Variants in CAST observed in about 807,000 individuals in gnomAD.
CAST encodes calpastatin, also known as MIR583 host.
Under a neutral mutation model 119.6 loss-of-function variants are expected in CAST, and 76 were observed. The ratio of observed to expected loss-of-function variants is 0.64; its 90% CI spans 0.53 to 0.77. CAST has a LOEUF of 0.77. Among genes scored for constraint, CAST ranks in the 30% least tolerant of loss-of-function variants. CAST has a pLI of 0.00. For synonymous variants in CAST, 319 were observed against 331.6 expected, an observed-to-expected ratio of 0.96 and a Z score of 0.41; for missense variants, 953 against 946.5, an observed-to-expected ratio of 1.01 and a Z score of -0.09.
At chr5:96,702,790 C>T in intron 3 of CAST, 3 of 985,518 alleles carry the variant, frequency 3.0e-6, no homozygotes, top group African/African-American at 1.7e-5. Flanking sequence ...CGGGACCGCC[C>T]CGCCCCGTCG....
chr5:96,635,872 A>G (rs1379023608), intron 1 of CAST, among the ~76,000 whole-genome samples: 3 of 152,100 alleles, frequency 2.0e-5, no homozygotes, highest in Non-Finnish European at 2.9e-5. Flanking sequence ...GCTTCTTTCT[A>G]TTTTTCCCTA....
chr5:96,056,883 C>T, the CAST span, among the ~76,000 whole-genome samples: 1 of 152,012 alleles, frequency 6.6e-6, no homozygotes, highest in South Asian at 2.1e-4. Context: ...TCTACCATCC[C>T]CAAGGAGTGC....
intron 11 of CAST, 31 bp from the exon 12 acceptor site, chr5:96,740,007 T>A (rs776324727): frequency 9.8e-7 from 1 of 1,022,760 alleles, no homozygotes; most frequent in South Asian, 1.4e-5. Flanking sequence ...ATTAATTATA[T>A]AATATCCCTA....
chr5:96,500,083 GC>G, the CAST span, among the ~76,000 whole-genome samples: 2 of 151,796 alleles, frequency 1.3e-5, no homozygotes. Flanking sequence ...GCAGTCTGTG[GC>G]CCCCCAAAAA....
intron 1 of CAST, among the ~76,000 whole-genome samples, chr5:96,666,740 C>G (rs914566726): frequency 1.3e-5 from 2 of 152,174 alleles, no homozygotes; most frequent in African/African-American, 4.8e-5. Flanking sequence ...TAATATCTTT[C>G]TTTAAATCAG....
chr5:95,975,798 C>G, the CAST span, among the ~76,000 whole-genome samples: 1 of 152,116 alleles, frequency 6.6e-6, no homozygotes. Flanking sequence ...CATGGTCTAC[C>G]TAGGGAATTT....
the CAST span, among the ~76,000 whole-genome samples, chr5:96,428,580 A>G: frequency 6.6e-6 from 1 of 152,226 alleles, no homozygotes; most frequent in Non-Finnish European, 1.5e-5. Context: ...TAACCTAATC[A>G]TTGAACCAAG....
the CAST span, among the ~76,000 whole-genome samples, chr5:96,324,486 C>T: frequency 6.6e-6 from 1 of 152,188 alleles, no homozygotes; most frequent in Admixed American, 6.5e-5. Flanking sequence ...CTTAGACACA[C>T]ATGAGACATA....
intron 4 of CAST, among the ~76,000 whole-genome samples, chr5:96,724,406 C>G (rs1281059980): frequency 6.6e-6 from 1 of 152,046 alleles, no homozygotes; most frequent in Non-Finnish European, 1.5e-5. Flanking sequence ...TGGTCTCAAA[C>G]TCCTGGGCTC....
chr5:96,425,758 G>A, the CAST span: 2 of 872,178 alleles, frequency 2.3e-6, no homozygotes, highest in Non-Finnish European at 3.9e-6. Flanking sequence ...TGTTGCAAAT[G>A]TAACAACATA....
chr5:96,087,342 GA>G, the CAST span, among the ~76,000 whole-genome samples: 1 of 152,102 alleles, frequency 6.6e-6, no homozygotes, highest in South Asian at 2.1e-4. Flanking sequence ...CCTAAAACTT[GA>G]AAAACCAATC....
At chr5:96,337,214 A>C in the CAST span, among the ~76,000 whole-genome samples, 3 of 152,102 alleles carry the variant, frequency 2.0e-5, no homozygotes, top group Non-Finnish European at 4.4e-5. Flanking sequence ...ACACAACCAC[A>C]CACACACACC....
At chr5:96,424,787 A>G in the CAST span, among the ~76,000 whole-genome samples, 1 of 151,772 alleles carries the variant, frequency 6.6e-6, no homozygotes, top group African/African-American at 2.4e-5. Flanking sequence ...ATGTGACAAA[A>G]CCCCATCTCT....
chr5:96,218,940 A>G, the CAST span, among the ~76,000 whole-genome samples: 1 of 152,152 alleles, frequency 6.6e-6, no homozygotes, highest in Non-Finnish European at 1.5e-5. Flanking sequence ...TTGGCAAGTT[A>G]CTTAAGGTCA....
chr5:96,618,036 G>T (rs1162216653), intron 1 of CAST, among the ~76,000 whole-genome samples: 1 of 152,034 alleles, frequency 6.6e-6, no homozygotes, highest in African/African-American at 2.4e-5. Context: ...ATCTTCTAGG[G>T]GTGTTAACTG....
chr5:96,535,699 G>C (rs895547114), intron 1 of CAST, among the ~76,000 whole-genome samples: 1 of 149,994 alleles, frequency 6.7e-6, no homozygotes. Context: ...TCAGCCTCTC[G>C]AGTAGCTGGG....
At chr5:96,094,177 A>G in the CAST span, among the ~76,000 whole-genome samples, 1 of 152,244 alleles carries the variant, frequency 6.6e-6, no homozygotes, top group Admixed American at 6.5e-5. Flanking sequence ...GTGGAAACGT[A>G]TTTAATCTTT....
the CAST span, among the ~76,000 whole-genome samples, chr5:96,230,420 A>G: frequency 1.3e-5 from 2 of 152,130 alleles, no homozygotes; most frequent in African/African-American, 2.4e-5. Context: ...CATAATCCTA[A>G]TAATTATCAT....
intron 4 of CAST, among the ~76,000 whole-genome samples, chr5:96,723,763 G>C (rs867945989): frequency 6.6e-6 from 1 of 152,156 alleles, no homozygotes; most frequent in Non-Finnish European, 1.5e-5. Flanking sequence ...ACTAATGTTT[G>C]TGTGCCAATA....
Sources: allele counts gnomAD v4.1 joint callset (sites outside exome capture counted in the v4.1 genomes callset), GRCh38; gene constraint gnomAD v4.1.1; transcripts MANE v1.5; gene names NCBI Gene and HGNC (gene_info 2026-07-23, HGNC 2026-07-21).